ERBIN: variants seen among roughly 807,000 people sequenced by gnomAD.
ERBIN encodes the protein densin-180-like protein.
Under a neutral mutation model 158.4 loss-of-function variants are expected in ERBIN, and 60 were observed. That is an observed-to-expected ratio of 0.38 (90% CI 0.31 to 0.47). The LOEUF (loss-of-function observed/expected upper bound fraction) is 0.47. Among genes scored for constraint, ERBIN ranks in the 20% least tolerant of loss-of-function variants. The pLI is 0.99. For missense variants in ERBIN, 1,610 were observed against 1,648.0 expected (o/e 0.98, Z 0.40); for synonymous variants, 594 against 557.2 (o/e 1.07, Z -0.93).
intron 1 of ERBIN, among the ~76,000 whole-genome samples, chr5:65,977,288 C>CG (rs1346823588): frequency 2.1e-5 from 3 of 144,240 alleles, no homozygotes; most frequent in Non-Finnish European, 3.1e-5. Context: ...GCTGGCCGGG[C>CG]GGGGGGCTGA....
At chr5:66,055,696 ATACT>A (rs1455361132) in intron 21 of ERBIN, among the ~76,000 whole-genome samples, 1 of 152,182 alleles carries the variant, frequency 6.6e-6, no homozygotes, top group Non-Finnish European at 1.5e-5. Context: ...ATTTAACTTT[ATACT>A]TACTCACTAG....
intron 1 of ERBIN, among the ~76,000 whole-genome samples, chr5:65,960,247 TAC>T (rs1040731433): frequency 1.3e-5 from 2 of 152,136 alleles, no homozygotes; most frequent in African/African-American, 4.8e-5. Flanking sequence ...TACAGAAGAG[TAC>T]ACACTATATG....
chr5:66,071,722 A>ATTTT (rs372294339), intron 21 of ERBIN, among the ~76,000 whole-genome samples: 9 of 133,384 alleles, frequency 6.7e-5, no homozygotes, highest in African/African-American at 1.9e-4. Context: ...ACAGCAGTTA[A>ATTTT]TTTTTTTTTT....
chr5:66,078,465 G>T lies in ERBIN; in HGVS notation c.4174G>T (p.Val1392Leu), dbSNP rs1762214895. 6.3e-7 allele frequency: 1 copy of T among 1,596,252 alleles called. No homozygotes were observed. The highest frequency in any genetic ancestry group is 1.4e-5 in the African/African-American group (1 of 73,448). ...SFINIEHGQA[V>L]SLLKTFQNTV... ...TATAAATATTGAACATGGACAAGCA[G>T]TGTCCTTGCTAAAAACTTTCCAGAA... Residue 1392 changes from valine to leucine, a missense_variant, in exon 26 of 26, where the codon GTG (valine) becomes TTG (leucine). Physicochemically the swap from Val to Leu is conservative, Grantham distance 32 (BLOSUM62 1). Transcript: ENST00000284037.
intron 1 of ERBIN, among the ~76,000 whole-genome samples, chr5:65,942,133 A>G (rs1218258417): frequency 6.6e-6 from 1 of 152,224 alleles, no homozygotes. Context: ...ACTCACTATC[A>G]CTGTAAATGA....
At chr5:66,056,654 A>C (rs1759612319) in intron 21 of ERBIN, among the ~76,000 whole-genome samples, 1 of 152,152 alleles carries the variant, frequency 6.6e-6, no homozygotes, top group Non-Finnish European at 1.5e-5. Context: ...TAGAGGTGTG[A>C]ATTAGTTGAT....
chr5:65,970,743 C>T (rs1749156668), intron 1 of ERBIN, among the ~76,000 whole-genome samples: 1 of 152,128 alleles, frequency 6.6e-6, no homozygotes, highest in Non-Finnish European at 1.5e-5. Flanking sequence ...CGTACACCAG[C>T]ATGCCTGGCT....
intron 1 of ERBIN, among the ~76,000 whole-genome samples, chr5:65,982,700 A>C (rs565928988): frequency 6.6e-6 from 1 of 152,320 alleles, no homozygotes; most frequent in African/African-American, 2.4e-5. Context: ...AGTGTTGGTG[A>C]GAATGTAATT....
At chr5:65,980,706 C>T (rs1264490038) in intron 1 of ERBIN, among the ~76,000 whole-genome samples, 4 of 150,870 alleles carry the variant, frequency 2.7e-5, no homozygotes, top group African/African-American at 9.8e-5. Flanking sequence ...TACTAAAAGA[C>T]AAGGATTACT....
At chr5:66,003,028 G>T (rs527599894) in intron 4 of ERBIN, among the ~76,000 whole-genome samples, 8 of 152,196 alleles carry the variant, frequency 5.3e-5, no homozygotes, top group Non-Finnish European at 1.2e-4. Flanking sequence ...CTACCATAGC[G>T]TAGGCATTAT....
Position 65,992,831 on chromosome 5 carries a change from C to T in ERBIN, c.113C>T (p.Pro38Leu), listed in dbSNP as rs1296021047. The change falls in exon 3 of 26, where the codon CCG becomes CTG. Residue 38 changes from proline (P) to leucine (L), a missense_variant. Pro to Leu is a moderately conservative substitution (Grantham distance 98). Transcript: ENST00000284037. The part of the protein sequence containing the change: ...DYSHCSLEQV[P>L]KEIFTFEKTL... ...TCTCATTGCAGCTTAGAACAAGTTC[C>T]GAAAGAGATTTTTACTTTTGAAAAA... The T allele has an allele frequency of 2.5e-6, 4 of 1,613,130 alleles. No homozygotes were observed. Among genetic ancestry groups the T allele is most frequent in the African/African-American group, 1.3e-5 (1 of 74,854 alleles).
At chr5:66,030,691 TAGCTGGGACCACAGGTACATGTCAC>T (rs1756776581) in intron 14 of ERBIN, among the ~76,000 whole-genome samples, 1 of 151,704 alleles carries the variant, frequency 6.6e-6, no homozygotes, top group Admixed American at 6.6e-5. Context: ...GCTTCCCAAG[TAGCTGGGACCACAGGTACATGTCAC>T]CATGCCCAGC....
At chr5:65,941,826 C>T (rs867802159) in intron 1 of ERBIN, among the ~76,000 whole-genome samples, 2 of 151,962 alleles carry the variant, frequency 1.3e-5, no homozygotes, top group African/African-American at 2.4e-5. Context: ...CTGCAAGCTC[C>T]GCCTCCCAGA....
chr5:65,929,102 T>G (rs181523338), intron 1 of ERBIN, among the ~76,000 whole-genome samples: 182 of 152,340 alleles, frequency 1.2e-3, no homozygotes, highest in South Asian at 1.9e-3. Flanking sequence ...TTGTAAACTT[T>G]ATGTATAAAA....
intron 1 of ERBIN, among the ~76,000 whole-genome samples, chr5:65,941,803 C>T (rs766746916): frequency 1.3e-5 from 2 of 151,854 alleles, no homozygotes; most frequent in Non-Finnish European, 2.9e-5. Context: ...TGCAGTGGCA[C>T]GATCTCTGCT....
intron 1 of ERBIN, among the ~76,000 whole-genome samples, chr5:65,971,281 A>C (rs1749216404): frequency 6.6e-6 from 1 of 151,466 alleles, no homozygotes; most frequent in Admixed American, 6.6e-5. Flanking sequence ...CCTGTATTGC[A>C]TCAGGTTTTC....
At chr5:65,993,589 ATATTTAATTGTTAATTGCTATAT>A (rs371590294) in intron 3 of ERBIN, among the ~76,000 whole-genome samples, 6,095 of 152,126 alleles carry the variant, frequency 0.04, 416 homozygotes, top group African/African-American at 0.14. Context: ...AAATTGCTAT[ATATTTAATTGTTAATTGCTATAT>A]ATTTAATTGT....
In ERBIN at chr5:65,964,908, T is replaced by TTGTGTGTGTGTG. The variant is rs70987104; in HGVS notation, c.-57-23701_-57-23690dup. Among the ~76,000 whole-genome samples, 935 of 107,236 alleles carry TTGTGTGTGTGTG rather than the reference T, an allele frequency of 8.7e-3. 26 individuals carry two copies. The highest frequency in any genetic ancestry group is 0.035 in the African/African-American group (876 of 25,288). The allele number at this position is 107,236 out of a possible 152,430, so 70.4% of individuals were successfully genotyped here. A position where few individuals can be genotyped will look rare whatever the true frequency, so the allele number is the denominator to read the frequency against. ...GCGTGGGCCACCACGCCTGGCTGAT[T>TTGTGTGTGTGTG]TGTGTGTGTGTGTGTGTGTGTGTGT... On this transcript the variant is annotated intron_variant, in intron 1 of 25. Coordinates refer to ENST00000284037, the MANE Select transcript of ERBIN (RefSeq NM_001253697.2).
chr5:65,928,932 C>T (rs1252474562), intron 1 of ERBIN, among the ~76,000 whole-genome samples: 1 of 152,028 alleles, frequency 6.6e-6, no homozygotes, highest in Non-Finnish European at 1.5e-5. Context: ...TGTGGATTTT[C>T]AAAGATTAAA....
Sources: gnomAD v4.1 joint callset for allele counts (sites outside exome capture counted in the v4.1 genomes callset) on GRCh38, gnomAD v4.1.1 for gene constraint, MANE v1.5 for transcripts, NCBI Gene and HGNC (gene_info 2026-07-23, HGNC 2026-07-21) for gene names.